SEMA4A: variants seen among roughly 807,000 people sequenced by gnomAD.
The protein encoded by SEMA4A is semaphorin-4A.
Under a neutral mutation model 72.5 loss-of-function variants are expected in SEMA4A, and 52 were observed. The observed-to-expected ratio is 0.72, with a 90% CI of 0.57 to 0.90. The LOEUF (loss-of-function observed/expected upper bound fraction) is 0.90. Ranked by LOEUF, SEMA4A falls within the 40% of genes least tolerant of loss-of-function variation. SEMA4A has a pLI of 0.00. For synonymous variants in SEMA4A, 369 were observed against 393.1 expected, an observed-to-expected ratio of 0.94 and a Z score of 0.73; for missense variants, 926 against 959.7, an observed-to-expected ratio of 0.96 and a Z score of 0.46.
Position 156,158,704 on chromosome 1 carries a change from T to C in SEMA4A, c.463-15T>C, listed in dbSNP as rs1412479600. The C allele has an allele frequency of 6.2e-7, 1 of 1,601,488 alleles. No individual in the cohort carries two copies. The highest frequency in any genetic ancestry group is 2.2e-5 in the East Asian group (1 of 44,798). On this transcript the variant is annotated splice_polypyrimidine_tract_variant and intron_variant, in intron 5 of 14. Coordinates refer to ENST00000368285, the MANE Select transcript of SEMA4A (RefSeq NM_022367.4). The stretch of plus-strand genomic sequence containing the variant: ...ACCTTGGCGTTCTGGCCCCCCAGCC[T>C]CTCTCCCCATTTAGGAACTTCAAGA...
chr1:156,154,187 AC>A (rs1375874492), intron 1 of SEMA4A, among the ~76,000 whole-genome samples: 2 of 152,148 alleles, frequency 1.3e-5, no homozygotes, highest in Non-Finnish European at 2.9e-5. Context: ...GAGCCAGGCA[AC>A]GGTTTGGGCT....
intron 11 of SEMA4A, 78 bp from the exon 12 acceptor site, chr1:156,174,744 G>T: frequency 6.3e-7 from 1 of 1,593,324 alleles, no homozygotes; most frequent in Non-Finnish European, 8.6e-7. Context: ...CTTTCTTACA[G>T]CTGGGGAGGC....
At chr1:156,172,786 A>G (rs761607309) in intron 10 of SEMA4A, 40 bp from the exon 11 acceptor site, 31 of 1,591,806 alleles carry the variant, frequency 1.9e-5, no homozygotes, top group African/African-American at 1.6e-4. Context: ...AGCTGAGGGG[A>G]AGGGGCAAAC....
chr1:156,158,872 C>T (rs1343282620), intron 6 of SEMA4A, 48 bp downstream of exon 6: 1 of 1,469,788 alleles, frequency 6.8e-7, no homozygotes, highest in Non-Finnish European at 9.5e-7. Flanking sequence ...TTTCTCCAGT[C>T]ACGCTGTGAA....
At chr1:156,158,171 G>C (rs1311366088) in intron 4 of SEMA4A, 39 bp downstream of exon 4, 1 of 1,606,922 alleles carries the variant, frequency 6.2e-7, no homozygotes. Flanking sequence ...AGTGGGTAGA[G>C]AGCTCTGGCA....
intron 9 of SEMA4A, 120 bp downstream of exon 9, chr1:156,161,638 G>A: frequency 9.5e-7 from 1 of 1,056,812 alleles, no homozygotes; most frequent in East Asian, 2.7e-5. Flanking sequence ...TTTCACATAG[G>A]AAGGCATTAA....
At chr1:156,163,887 C>G (rs1015159289) in intron 10 of SEMA4A, among the ~76,000 whole-genome samples, 3 of 151,404 alleles carry the variant, frequency 2.0e-5, no homozygotes, top group African/African-American at 7.3e-5. Flanking sequence ...AAAAAATGAG[C>G]TGGGCCTGGT....
rs1653253322 is a variant in SEMA4A, at chr1:156,158,437, A to G, written c.413A>G (p.His138Arg). ...IRVLVSYNVT[H>R]LYTCGTFAFS... Reference sequence around the variant, plus strand: ...GTCCTGGTTTCTTACAATGTCACCCATCTCTACACCTGCGGCACCTTCGCC... The same window carrying G: ...GTCCTGGTTTCTTACAATGTCACCCGTCTCTACACCTGCGGCACCTTCGCC... The change falls in exon 5 of 15, where the codon CAT (histidine) becomes CGT (arginine). Residue 138 changes from histidine to arginine, a missense_variant. Coordinates refer to ENST00000368285, the MANE Select transcript of SEMA4A (RefSeq NM_022367.4). 1.2e-6 allele frequency: 2 copies of G among 1,614,072 alleles called. No homozygotes were observed. Among genetic ancestry groups the G allele is most frequent in the Admixed American group, 3.3e-5 (2 of 60,014 alleles).
At chr1:156,156,780 G>A (rs962458569) in intron 3 of SEMA4A, among the ~76,000 whole-genome samples, 4 of 144,978 alleles carry the variant, frequency 2.8e-5, no homozygotes, top group African/African-American at 2.6e-5. Flanking sequence ...GTCTTGCTCC[G>A]TTGCCCAGGC....
rs557152761 is a variant in SEMA4A at position 156,164,684 on chromosome 1, G to C, written c.1134+1590G>C. ...TATATTATGACTCTTCTTATTCACA[G>C]CCTAGCCAGGCAGTAAGCCATGATT... is the stretch of plus-strand genomic sequence containing the variant. On this transcript the variant is annotated intron_variant, in intron 10 of 14. Transcript: ENST00000368285. Among the ~76,000 whole-genome samples the C allele has an allele frequency of 2.6e-5, 4 of 152,172 alleles. No homozygotes were observed. The East Asian group carries it at 5.8e-4, about 22-fold the overall frequency.
chr1:156,177,056 C>A lies in SEMA4A; in HGVS notation c.*59C>A. 6.9e-7 allele frequency: 1 copy of A among 1,442,574 alleles called. No individual in the cohort carries two copies. Among genetic ancestry groups the A allele is most frequent in the Non-Finnish European group, 9.6e-7 (1 of 1,039,694 alleles). The allele number at this position is 1,442,574 out of a possible 1,614,324, so 89.4% of individuals were successfully genotyped here. A position where few individuals can be genotyped will look rare whatever the true frequency, so the allele number is the denominator to read the frequency against. The stretch of plus-strand genomic sequence containing the variant: ...ACCTGGCCATGCTGGCTGGGCGGCC[C>A]AAGCACAGCCCTGACTAGGATGACA... On this transcript the variant is annotated 3_prime_UTR_variant, in exon 15 of 15. Transcript: ENST00000368285.
chr1:156,159,019 G>GAAAAAA, intron 6 of SEMA4A, 195 bp downstream of exon 6: 1 of 492,766 alleles, frequency 2.0e-6, no homozygotes. Flanking sequence ...GGGCAACACA[G>GAAAAAA]CGAGATCGTC....
chr1:156,168,500 A>C (rs1654396254), intron 10 of SEMA4A, among the ~76,000 whole-genome samples: 1 of 151,870 alleles, frequency 6.6e-6, no homozygotes, highest in Non-Finnish European at 1.5e-5. Flanking sequence ...CTGGGATTAC[A>C]GGCATGAGCC....
chr1:156,167,894 C>T (rs995719878), intron 10 of SEMA4A, among the ~76,000 whole-genome samples: 3 of 149,770 alleles, frequency 2.0e-5, no homozygotes, highest in Middle Eastern at 3.2e-3. Context: ...TGATTCATTT[C>T]TGTTTCCTCT....
Position 156,154,671 on chromosome 1 carries a change from G to C in SEMA4A, c.93G>C (p.Ala31=), listed in dbSNP as rs769429823. ...LLQLLLPTTT[A]GGGGQGPMPR... is the part of the protein sequence containing the mutation. ...AGCTGCTGCTGCCGACGACGACCGC[G>C]GGGGGAGGCGGGCAGGGGCCCATGC... Residue 31 remains alanine (A), a synonymous_variant, in exon 2 of 15, where the codon GCG becomes GCC. Transcript: ENST00000368285. The C allele has an allele frequency of 1.3e-5, 20 of 1,598,826 alleles. No homozygotes were observed. The highest frequency in any genetic ancestry group is 3.4e-5 in the South Asian group (3 of 88,528).
Position 156,157,407 on chromosome 1 carries a change from C to A in SEMA4A, c.301-663C>A, listed in dbSNP as rs756944057. On this transcript the variant is annotated intron_variant, in intron 3 of 14. Coordinates refer to ENST00000368285, the MANE Select transcript of SEMA4A (RefSeq NM_022367.4). The surrounding 1 kb of genome is among the most constrained non-coding windows in gnomAD (Gnocchi z 4.5). ...CCATGTTGGTCAGCCTGGTCTCGAA[C>A]TCCCGACCTCAGGTGATCCATCCGC... is the stretch of plus-strand genomic sequence containing the variant. 2.2e-4 allele frequency among the ~76,000 whole-genome samples: 34 copies of A among 152,292 alleles called. No individual in the cohort carries two copies. The highest frequency in any genetic ancestry group is 6.8e-3 in the Middle Eastern group (2 of 294).
upstream of SEMA4A, among the ~76,000 whole-genome samples, chr1:156,147,827 T>G (rs1377888421): frequency 6.6e-6 from 1 of 152,064 alleles, no homozygotes; most frequent in Non-Finnish European, 1.5e-5. Context: ...AAATGGAGAT[T>G]AGCTTGTGGA....
At chr1:156,159,232 G>A (rs974318615) in intron 6 of SEMA4A, among the ~76,000 whole-genome samples, 1 of 152,076 alleles carries the variant, frequency 6.6e-6, no homozygotes, top group Non-Finnish European at 1.5e-5. Flanking sequence ...TACTCGGGAG[G>A]CTGAGTCACA....
intron 6 of SEMA4A, chr1:156,159,040 A>AT: frequency 1.8e-6 from 1 of 564,816 alleles, no homozygotes; most frequent in Non-Finnish European, 3.1e-6. Flanking sequence ...TCAAAAAAAA[A>AT]AAAAAAAAGC....
Sources: allele counts gnomAD v4.1 joint callset (sites outside exome capture counted in the v4.1 genomes callset), GRCh38; gene constraint gnomAD v4.1.1; non-coding constraint Gnocchi (gnomAD v3.1); transcripts MANE v1.5; gene names NCBI Gene and HGNC (gene_info 2026-07-23, HGNC 2026-07-21).